C2: variants seen among roughly 807,000 people sequenced by gnomAD.
The protein encoded by C2 is C3/C5 convertase.
In C2, 64 loss-of-function variants were observed where a neutral mutation model predicts 85.2. The ratio of observed to expected loss-of-function variants is 0.75; its 90% CI spans 0.61 to 0.92. C2 has a LOEUF of 0.92. C2 is among the 40% of genes least tolerant of loss of function. The probability of loss-of-function intolerance (pLI) is 0.00; values close to 1 mark genes in which losing one functional copy is unlikely to be tolerated. For missense variants in C2, 820 were observed against 971.6 expected, an observed-to-expected ratio of 0.84 and a Z score of 2.07; for synonymous variants, 311 against 370.8, an observed-to-expected ratio of 0.84 and a Z score of 1.85.
intron 9 of C2, among the ~76,000 whole-genome samples, chr6:31,942,272 C>T (rs1037091823): frequency 2.8e-4 from 41 of 148,856 alleles, no homozygotes; most frequent in African/African-American, 1.0e-3. Flanking sequence ...TTATAAGGAC[C>T]TCAGTCATTG....
upstream of C2, among the ~76,000 whole-genome samples, chr6:31,918,284 CA>C (rs931103800): frequency 3.4e-5 from 5 of 145,350 alleles, no homozygotes; most frequent in Admixed American, 6.8e-5. Context: ...GACCCCATCT[CA>C]AAAAAAAAAT....
chr6:31,936,156 G>C, intron 7 of C2, 95 bp downstream of exon 7: 4 of 1,404,582 alleles, frequency 2.8e-6, no homozygotes, highest in Non-Finnish European at 3.9e-6. Context: ...AAGAGAGTGA[G>C]GCCTCTTGGT....
At chr6:31,913,346 T>C (rs571669235) in intron 1 of C2, among the ~76,000 whole-genome samples, 1 of 152,202 alleles carries the variant, frequency 6.6e-6, no homozygotes, top group South Asian at 2.1e-4. Flanking sequence ...GAGGCCAAGG[T>C]GGGCAGATCA....
intron 1 of C2, among the ~76,000 whole-genome samples, chr6:31,907,841 CTTT>C (rs9281622): frequency 4.4e-5 from 3 of 67,976 alleles, no homozygotes; most frequent in Non-Finnish European, 7.5e-5. Flanking sequence ...CCACTTCTGG[CTTT>C]TTTTTTTTTT....
chr6:31,923,256 T>A (rs2151733457), upstream of C2, among the ~76,000 whole-genome samples: 1 of 152,286 alleles, frequency 6.6e-6, no homozygotes, highest in South Asian at 2.1e-4. Flanking sequence ...GAGCTGACAG[T>A]GGACTATAAC....
At chr6:31,925,676 C>A (rs1194303436), upstream of C2, among the ~76,000 whole-genome samples, 5 of 152,142 alleles carry the variant, frequency 3.3e-5, no homozygotes, top group East Asian at 7.7e-4. Flanking sequence ...AGGGGAAGAG[C>A]AGGGTGAAGA....
At chr6:31,939,463 T>G in intron 9 of C2, 143 bp downstream of exon 9, 1 of 683,800 alleles carries the variant, frequency 1.5e-6, no homozygotes, top group Non-Finnish European at 2.6e-6. Flanking sequence ...CAACTCATGT[T>G]GAAGAGCCTG....
At chr6:31,903,475 C>T (rs961679127) in intron 1 of C2, among the ~76,000 whole-genome samples, 4 of 151,944 alleles carry the variant, frequency 2.6e-5, no homozygotes, top group Admixed American at 6.6e-5. Flanking sequence ...ACTAAATATA[C>T]AAAAATTAGC....
Position 31,904,503 on chromosome 6 carries a change from G to A in C2, c.73+3364G>A, listed in dbSNP as rs570110363. On this transcript the variant is annotated intron_variant, in intron 1 of 3. Coordinates refer to the C2 transcript ENST00000452202. This position sits in a 1 kb window ranked among gnomAD's most constrained non-coding sequence, Gnocchi z 4.4. ...TAATTTTCGCATTTTTAGTAGAGAC[G>A]GGGTTTCACCATGTTGGCCAGGCTG... is the stretch of plus-strand genomic sequence containing the variant. 4.5e-4 allele frequency among the ~76,000 whole-genome samples: 68 copies of A among 151,900 alleles called. 1 individual carries two copies. The highest frequency in any genetic ancestry group is 1.6e-3 in the African/African-American group (65 of 41,384).
In C2 at chr6:31,934,278, C is replaced by T. The variant is rs747305157; in HGVS notation, c.828C>T (p.Ser276=). The T allele has an allele frequency of 3.1e-6, 5 of 1,613,836 alleles. No homozygotes were observed. Among genetic ancestry groups the T allele is most frequent in the Admixed American group, 1.7e-5 (1 of 59,984 alleles). The part of the protein sequence containing the change: ...SENDFLIFKE[S]ASLMVDRIFS... ...ATGACTTTCTCATCTTCAAGGAGAG[C>T]GCCTCCCTCATGGTGGACAGGGTCA... The change falls in exon 6 of 18, where the codon AGC becomes AGT. Residue 276 remains serine (S), a synonymous_variant. Transcript: ENST00000299367.
chr6:31,924,983 C>T (rs1033633625), upstream of C2, among the ~76,000 whole-genome samples: 2 of 152,160 alleles, frequency 1.3e-5, no homozygotes, highest in Admixed American at 6.5e-5. Context: ...GGCTAGGCCT[C>T]GAGAGACCTT....
At position 31,935,462 on chromosome 6, in the gene C2, T is replaced by TTTATTATTATTA. The variant is rs757946700; in HGVS notation, c.850-446_850-435dup. On this transcript the variant is annotated intron_variant, in intron 6 of 17. Coordinates refer to ENST00000299367, the MANE Select transcript of C2 (RefSeq NM_000063.6). The surrounding 1 kb of genome is among the most constrained non-coding windows in gnomAD (Gnocchi z 4.3). Reference sequence around the variant, plus strand: ...TCCTTAGCTGCTGCTGTTCCTTATTTTTATTATTATTATTATTATTATTAT... The same window carrying TTTATTATTATTA: ...TCCTTAGCTGCTGCTGTTCCTTATTTTTATTATTATTATTATTATTATTATTATTATTATTAT... 2.6e-5 allele frequency: 4 copies of TTTATTATTATTA among 154,052 alleles called. No homozygotes were observed. The highest frequency in any genetic ancestry group is 5.7e-5 in the Non-Finnish European group (4 of 69,646). 9.5% of individuals were successfully genotyped at this position (154,052 alleles called of 1,614,324 possible).
Position 31,944,944 on chromosome 6 carries a change from T to C in C2, c.2030-36T>C, listed in dbSNP as rs369913423. On this transcript the variant is annotated intron_variant, in intron 16 of 17. Transcript: ENST00000299367. The surrounding 1 kb of genome is among the most constrained non-coding windows in gnomAD (Gnocchi z 5.1). The stretch of plus-strand genomic sequence containing the variant: ...ATGCCAGAACACCAGTCCACTGCCC[T>C]AGATGACACTGTCTCCTGTCACCCT... 29 of 1,612,776 alleles carry C rather than the reference T, an allele frequency of 1.8e-5. No individual in the cohort carries two copies. In the African/African-American group the frequency reaches 2.9e-4, roughly 16 times the overall value.
chr6:31,933,839 G>A, intron 4 of C2, 28 bp from the exon 5 acceptor site: 3 of 1,613,494 alleles, frequency 1.9e-6, no homozygotes, highest in Non-Finnish European at 2.5e-6. Flanking sequence ...CACTGCCCCG[G>A]CTGACTCCTG....
At chr6:31,906,581 G>C (rs955869429) in intron 1 of C2, among the ~76,000 whole-genome samples, 1 of 151,824 alleles carries the variant, frequency 6.6e-6, no homozygotes, top group African/African-American at 2.4e-5. Flanking sequence ...GACAGAAAAA[G>C]ACTCTTCCAC....
chr6:31,924,051 C>T (rs997269684), upstream of C2, among the ~76,000 whole-genome samples: 5 of 151,984 alleles, frequency 3.3e-5, no homozygotes, highest in South Asian at 2.1e-4. Context: ...CCACCCGCCT[C>T]GGCCTCCCAA....
At chr6:31,909,527 G>C (rs1447591437) in intron 1 of C2, among the ~76,000 whole-genome samples, 2 of 151,862 alleles carry the variant, frequency 1.3e-5, no homozygotes, top group Non-Finnish European at 2.9e-5. Flanking sequence ...CTGAGCTCAA[G>C]GGATCCGCCT....
intron 1 of C2, among the ~76,000 whole-genome samples, chr6:31,908,470 T>C (rs539653985): frequency 2.0e-5 from 3 of 151,318 alleles, no homozygotes; most frequent in Admixed American, 2.0e-4. Context: ...TGGGCCAACA[T>C]GGTGAAACCC....
Position 31,927,751 on chromosome 6 carries a change from C to A in C2, c.-2C>A. On this transcript the variant is annotated 5_prime_UTR_variant, in exon 1 of 18. Coordinates refer to ENST00000299367, the MANE Select transcript of C2 (RefSeq NM_000063.6). The surrounding 1 kb of genome is among the most constrained non-coding windows in gnomAD (Gnocchi z 4.7). The stretch of plus-strand genomic sequence containing the variant: ...CCTCTCGCCGCCCCTAGGGAGGACA[C>A]CATGGGCCCACTGATGGTTCTTTTT... 1 of 1,613,210 alleles carries A rather than the reference C, an allele frequency of 6.2e-7. No homozygotes were observed. Among genetic ancestry groups the A allele is most frequent in the South Asian group, 1.1e-5 (1 of 91,086 alleles).
Sources: allele counts gnomAD v4.1 joint callset (sites outside exome capture counted in the v4.1 genomes callset), GRCh38; gene constraint gnomAD v4.1.1; non-coding constraint Gnocchi (gnomAD v3.1); transcripts MANE v1.5; gene names NCBI Gene and HGNC (gene_info 2026-07-23, HGNC 2026-07-21).